Variants in UBE2V2 observed in about 807,000 individuals in gnomAD.
The protein encoded by UBE2V2 is ubiquitin-conjugating enzyme E2 variant 2.
Under a neutral mutation model 17.2 loss-of-function variants are expected in UBE2V2, and 9 were observed. That is an observed-to-expected ratio of 0.52 (90% CI 0.32 to 0.91). The LOEUF is 0.91. Ranked by LOEUF, UBE2V2 falls within the 40% of genes least tolerant of loss-of-function variation. The pLI, the probability that UBE2V2 is intolerant of heterozygous loss-of-function variation, is 0.04. For synonymous variants in UBE2V2, 61 were observed against 57.5 expected (o/e 1.06, Z -0.28); for missense variants, 133 against 182.6 (o/e 0.73, Z 1.56).
chr8:48,053,451 T>G (rs1392392470), intron 3 of UBE2V2, among the ~76,000 whole-genome samples: 14 of 146,338 alleles, frequency 9.6e-5, no homozygotes, highest in Non-Finnish European at 1.8e-4. Context: ...TGAGATGGAG[T>G]CTCACTCTGT....
chr8:48,027,597 C>T (rs1365913169), intron 1 of UBE2V2, among the ~76,000 whole-genome samples: 1 of 151,772 alleles, frequency 6.6e-6, no homozygotes, highest in Non-Finnish European at 1.5e-5. Context: ...CCTCCTATAC[C>T]CAAGTGATTC....
chr8:48,005,524 G>A (rs968706460), upstream of UBE2V2, among the ~76,000 whole-genome samples: 2 of 152,156 alleles, frequency 1.3e-5, no homozygotes, highest in African/African-American at 4.8e-5. Flanking sequence ...AATGCTTTGG[G>A]TATATACCCA....
At chr8:48,052,964 G>A (rs1202276363) in intron 3 of UBE2V2, among the ~76,000 whole-genome samples, 1 of 152,134 alleles carries the variant, frequency 6.6e-6, no homozygotes, top group Non-Finnish European at 1.5e-5. Flanking sequence ...CTGGAGTGCA[G>A]TGGCATGATC....
intron 1 of UBE2V2, among the ~76,000 whole-genome samples, chr8:48,019,553 A>G (rs997811147): frequency 2.0e-5 from 3 of 151,064 alleles, no homozygotes; most frequent in Non-Finnish European, 4.4e-5. Context: ...ATGGTGGCTC[A>G]TGCCTGTAAT....
chr8:48,052,971 G>C (rs1278553440), intron 3 of UBE2V2, among the ~76,000 whole-genome samples: 1 of 152,118 alleles, frequency 6.6e-6, no homozygotes, highest in Non-Finnish European at 1.5e-5. Flanking sequence ...GCAGTGGCAT[G>C]ATCTCGCTCA....
intron 1 of UBE2V2, among the ~76,000 whole-genome samples, chr8:48,009,457 G>C (rs2091212843): frequency 6.6e-6 from 1 of 151,862 alleles, no homozygotes; most frequent in Admixed American, 6.6e-5. Flanking sequence ...GTAGAGACGG[G>C]GTTTTGTCAT....
chr8:48,013,655 A>C (rs1457819050), intron 1 of UBE2V2, among the ~76,000 whole-genome samples: 2 of 152,218 alleles, frequency 1.3e-5, no homozygotes, highest in Non-Finnish European at 2.9e-5. Flanking sequence ...TTAATGGTAC[A>C]GTGAAGCTCT....
chr8:48,046,032 C>T lies in UBE2V2; in HGVS notation c.165+2851C>T, dbSNP rs754632846. ...TGTAATCTCAGATCACCGCAACCTC[C>T]GCCTCCCAGGTTCAAGCGGTTTTCC... On this transcript the variant is annotated intron_variant, in intron 2 of 3. Transcript: ENST00000523111. 5.3e-5 allele frequency among the ~76,000 whole-genome samples: 8 copies of T among 152,128 alleles called. No homozygotes were observed. In the East Asian group the frequency reaches 1.2e-3, roughly 22 times the overall value.
chr8:48,002,980 A>G, the UBE2V2 span, among the ~76,000 whole-genome samples: 1 of 152,080 alleles, frequency 6.6e-6, no homozygotes, highest in Non-Finnish European at 1.5e-5. Flanking sequence ...GGGAGGCCGA[A>G]GAAGGCGAAT....
intron 3 of UBE2V2, among the ~76,000 whole-genome samples, chr8:48,050,868 A>AT (rs997340526): frequency 6.6e-6 from 1 of 151,916 alleles, no homozygotes; most frequent in African/African-American, 2.4e-5. Flanking sequence ...GCTGAGCATC[A>AT]TTGTCTATTT....
intron 1 of UBE2V2, among the ~76,000 whole-genome samples, chr8:48,018,483 ATTTCTAG>A (rs1203531212): frequency 1.3e-5 from 2 of 152,004 alleles, no homozygotes; most frequent in Non-Finnish European, 2.9e-5. Flanking sequence ...CCTGTTAATG[ATTTCTAG>A]TTTTATACCA....
At chr8:48,015,589 G>C (rs1335568463) in intron 1 of UBE2V2, among the ~76,000 whole-genome samples, 2 of 151,988 alleles carry the variant, frequency 1.3e-5, no homozygotes, top group Non-Finnish European at 2.9e-5. Context: ...TCTTAAACTT[G>C]TTCCTCCTGA....
chr8:48,050,037 A>G, intron 3 of UBE2V2, 59 bp downstream of exon 3: 2 of 1,133,530 alleles, frequency 1.8e-6, no homozygotes, highest in Non-Finnish European at 1.2e-6. Flanking sequence ...TATATATTAT[A>G]CGTACACACA....
At position 48,061,185 on chromosome 8, in the gene UBE2V2, T is replaced by C. The variant is rs1220593533; in HGVS notation, c.*357T>C. The C allele has an allele frequency of 6.3e-6, 1 of 157,526 alleles. No individual in the cohort carries two copies. The highest frequency in any genetic ancestry group is 1.8e-4 in the East Asian group (1 of 5,582). The allele number at this position is 157,526 out of a possible 1,614,324, so 9.8% of individuals were successfully genotyped here. On this transcript the variant is annotated 3_prime_UTR_variant, in exon 4 of 4. Coordinates refer to ENST00000523111, the MANE Select transcript of UBE2V2 (RefSeq NM_003350.3). ...AAATCTCAAGAAAACAGAAATGGCA[T>C]GCTTTACCCATCTTACTTAGTGAAA...
upstream of UBE2V2, among the ~76,000 whole-genome samples, chr8:48,004,458 G>A (rs940791271): frequency 2.6e-5 from 4 of 151,382 alleles, no homozygotes; most frequent in African/African-American, 9.7e-5. Context: ...AAGTTACAGT[G>A]GCTTGAGAGT....
At position 48,050,000 on chromosome 8, in the gene UBE2V2, G is replaced by A. The variant is rs756436620; in HGVS notation, c.291+22G>A. ...GATGGTAAGTTAATATAGTCATTTT[G>A]GTTTTATATAACATAATGTATAGAG... On this transcript the variant is annotated intron_variant, in intron 3 of 3. Coordinates refer to ENST00000523111, the MANE Select transcript of UBE2V2 (RefSeq NM_003350.3). 24 of 1,469,482 alleles carry A rather than the reference G, an allele frequency of 1.6e-5. No individual in the cohort carries two copies. In the East Asian group the frequency reaches 5.1e-4, roughly 31 times the overall value. 91.0% of individuals were successfully genotyped at this position (1,469,482 alleles called of 1,614,324 possible).
At chr8:48,027,936 C>T (rs2091356407) in intron 1 of UBE2V2, among the ~76,000 whole-genome samples, 1 of 152,084 alleles carries the variant, frequency 6.6e-6, no homozygotes, top group Non-Finnish European at 1.5e-5. Flanking sequence ...TCACTGCAAC[C>T]TCTGCCTCCT....
chr8:48,053,431 T>C (rs1433692082), intron 3 of UBE2V2, among the ~76,000 whole-genome samples: 1 of 150,038 alleles, frequency 6.7e-6, no homozygotes, highest in Non-Finnish European at 1.5e-5. Context: ...AATTTTTTTT[T>C]TTTTTTTTTT....
chr8:48,049,432 GA>G (rs1177911083), intron 2 of UBE2V2: 2 of 160,992 alleles, frequency 1.2e-5, no homozygotes, highest in African/African-American at 4.8e-5. Context: ...CTGTAAAACA[GA>G]AACCTTCATA....
Sources: allele counts gnomAD v4.1 joint callset (sites outside exome capture counted in the v4.1 genomes callset), GRCh38; gene constraint gnomAD v4.1.1; transcripts MANE v1.5; gene names NCBI Gene and HGNC (gene_info 2026-07-23, HGNC 2026-07-21).